Variants in PCDHA8 observed in about 807,000 individuals in gnomAD.
The protein encoded by PCDHA8 is protocadherin alpha 8, also known as protocadherin alpha-8.
PCDHA8 carries 53 observed loss-of-function variants against 61.8 expected under a neutral mutation model. That is an observed-to-expected ratio of 0.86 (90% CI 0.69 to 1.08). The LOEUF is 1.08. PCDHA8 is among the 50% of genes least tolerant of loss of function. The pLI is 0.00. For missense variants in PCDHA8, 1,293 were observed against 1,245.0 expected (o/e 1.04, Z -0.58); for synonymous variants, 618 against 556.6 (o/e 1.11, Z -1.55).
intron 1 of PCDHA8, among the ~76,000 whole-genome samples, chr5:140,948,880 C>G (rs1430288840): frequency 6.6e-6 from 1 of 151,410 alleles, no homozygotes; most frequent in Non-Finnish European, 1.5e-5. Flanking sequence ...TTACTTTGCT[C>G]TCTTTTAGAT....
At chr5:140,974,724 C>T (rs893225073) in intron 1 of PCDHA8, among the ~76,000 whole-genome samples, 11 of 152,168 alleles carry the variant, frequency 7.2e-5, no homozygotes, top group Admixed American at 2.6e-4. Flanking sequence ...TGCTCTCGAA[C>T]TCCTGTCTCC....
chr5:140,952,371 C>T (rs186648472), intron 1 of PCDHA8, among the ~76,000 whole-genome samples: 1 of 151,860 alleles, frequency 6.6e-6, no homozygotes, highest in African/African-American at 2.4e-5. Flanking sequence ...AAGAAATTTC[C>T]TCTGCCAGGT....
intron 1 of PCDHA8, among the ~76,000 whole-genome samples, chr5:140,942,639 G>C (rs923095335): frequency 1.3e-5 from 2 of 151,806 alleles, no homozygotes; most frequent in African/African-American, 2.4e-5. Flanking sequence ...AATGGCAAAA[G>C]AGATCTCATT....
At chr5:140,875,590 A>G (rs1554167782) in intron 1 of PCDHA8, 4 of 1,613,992 alleles carry the variant, frequency 2.5e-6, no homozygotes, top group Non-Finnish European at 3.4e-6. Flanking sequence ...CGAGGAGGCC[A>G]AACACGGCAC....
At chr5:140,963,989 T>C (rs2095803669) in intron 1 of PCDHA8, among the ~76,000 whole-genome samples, 1 of 152,202 alleles carries the variant, frequency 6.6e-6, no homozygotes, top group Non-Finnish European at 1.5e-5. Flanking sequence ...ATATTCCTAA[T>C]TACTGTGTTC....
intron 1 of PCDHA8, chr5:140,968,895 T>G: frequency 6.2e-7 from 1 of 1,614,218 alleles, no homozygotes; most frequent in Non-Finnish European, 8.5e-7. Context: ...TATCTAATAA[T>G]AGCATTAAGC....
chr5:140,857,197 G>A, intron 1 of PCDHA8: 2 of 1,598,586 alleles, frequency 1.3e-6, no homozygotes, highest in South Asian at 1.1e-5. Context: ...CCAACGGACA[G>A]GTCACCTGCT....
In PCDHA8 at chr5:140,850,071, G is replaced by T. The variant is rs2150465789; in HGVS notation, c.2394+6356G>T. The T allele has an allele frequency of 1.4e-5, 22 of 1,596,556 alleles. 5 individuals carry two copies. The highest frequency in any genetic ancestry group is 1.6e-5 in the Non-Finnish European group (19 of 1,167,840). ...GTACGCGCTGCAGCCGTTGGACCAC[G>T]AGGAGCTGGAGCTGCTACAGTTCCA... On this transcript the variant is annotated intron_variant, in intron 1 of 3. Coordinates refer to ENST00000531613, the MANE Select transcript of PCDHA8 (RefSeq NM_018911.3).
intron 3 of PCDHA8, among the ~76,000 whole-genome samples, chr5:141,002,340 TTC>T (rs1554258614): frequency 5.3e-4 from 81 of 152,342 alleles, no homozygotes; most frequent in African/African-American, 1.9e-3. Flanking sequence ...TCCGCACCCC[TTC>T]CCCCACCTCC....
intron 1 of PCDHA8, among the ~76,000 whole-genome samples, chr5:140,846,239 T>TATACA (rs1419115940): frequency 1.3e-5 from 2 of 149,652 alleles, no homozygotes; most frequent in Admixed American, 6.7e-5. Context: ...TAAAAAGAAG[T>TATACA]ATACAATAAT....
At chr5:140,874,117 T>C (rs1349618614) in intron 1 of PCDHA8, among the ~76,000 whole-genome samples, 2 of 152,248 alleles carry the variant, frequency 1.3e-5, no homozygotes, top group Admixed American at 1.3e-4. Context: ...TAACGTTTTA[T>C]AGTTTATTTA....
chr5:140,877,016 G>A (rs781790454), intron 1 of PCDHA8: 2 of 1,612,362 alleles, frequency 1.2e-6, no homozygotes, highest in Non-Finnish European at 1.7e-6. Context: ...GCGGAGAGCG[G>A]CAAGGTGTAC....
Position 140,843,852 on chromosome 5 carries a change from T to A in PCDHA8, c.2394+137T>A, listed in dbSNP as rs1779120193. 7.3e-6 allele frequency: 7 copies of A among 964,906 alleles called. 1 individual carries two copies. The highest frequency in any genetic ancestry group is 1.1e-5 in the Non-Finnish European group (7 of 652,752). 59.8% of individuals were successfully genotyped at this position (964,906 alleles called of 1,614,324 possible). ...TTGTTTAGTTTTTAGAAACCTTTTA[T>A]AATTAATTGAATTTTCTCAGTGGCA... On this transcript the variant is annotated intron_variant, in intron 1 of 3. Transcript: ENST00000531613.
Position 140,946,525 on chromosome 5 carries a change from A to G in PCDHA8, c.2395-32424A>G, listed in dbSNP as rs115610574. On this transcript the variant is annotated intron_variant, in intron 1 of 3. Transcript: ENST00000531613. ...ATGTCAAAGACCTATCCGCACTCCC[A>G]TGTTCATTGCAGCATTATTCATGAT... 6.9e-3 allele frequency among the ~76,000 whole-genome samples: 1,050 copies of G among 151,290 alleles called. 19 individuals carry two copies. The highest frequency in any genetic ancestry group is 0.024 in the African/African-American group (983 of 41,050).
intron 1 of PCDHA8, among the ~76,000 whole-genome samples, chr5:140,880,869 G>C (rs1017640769): frequency 6.6e-6 from 1 of 152,064 alleles, no homozygotes. Context: ...TATGTGAAGA[G>C]GTAAATAAAG....
chr5:140,953,778 A>G (rs782648195), intron 1 of PCDHA8, among the ~76,000 whole-genome samples: 1 of 151,986 alleles, frequency 6.6e-6, no homozygotes, highest in Non-Finnish European at 1.5e-5. Flanking sequence ...ATATTTATTT[A>G]TTTTTTTCTT....
intron 1 of PCDHA8, among the ~76,000 whole-genome samples, chr5:140,913,386 T>C (rs1317540233): frequency 6.6e-6 from 1 of 152,228 alleles, no homozygotes; most frequent in Non-Finnish European, 1.5e-5. Context: ...TGGCTCATCA[T>C]AGCCACTAAT....
intron 1 of PCDHA8, among the ~76,000 whole-genome samples, chr5:140,907,205 G>T (rs549918744): frequency 2.0e-5 from 3 of 152,196 alleles, no homozygotes; most frequent in East Asian, 3.9e-4. Context: ...GGAGAATTTT[G>T]CCCCAGCCCT....
intron 1 of PCDHA8, among the ~76,000 whole-genome samples, chr5:140,909,322 T>A (rs1554193738): frequency 6.6e-6 from 1 of 152,236 alleles, no homozygotes. Context: ...ATTTGCCAAA[T>A]CAATGGTTGC....
Sources: allele counts gnomAD v4.1 joint callset (sites outside exome capture counted in the v4.1 genomes callset), GRCh38; gene constraint gnomAD v4.1.1; transcripts MANE v1.5; gene names NCBI Gene and HGNC (gene_info 2026-07-23, HGNC 2026-07-21).